The following NREP variants were observed in gnomAD, a reference collection of about 807,000 sequenced individuals.
The protein encoded by NREP is neuronal regeneration related protein, also known as neuronal regeneration-related protein.
In NREP, 5 loss-of-function variants were observed where a neutral mutation model predicts 8.6. The ratio of observed to expected loss-of-function variants is 0.58; its 90% CI spans 0.30 to 1.22. The LOEUF (loss-of-function observed/expected upper bound fraction) is 1.22, where lower values mean the gene tolerates loss of function less well. Ranked by LOEUF, NREP falls within the 50% of genes most tolerant of loss-of-function variation. NREP has a pLI of 0.07. For missense variants in NREP, 86 were observed against 82.5 expected (o/e 1.04, Z -0.17); for synonymous variants, 27 against 28.0 (o/e 0.96, Z 0.11).
intron 2 of NREP, among the ~76,000 whole-genome samples, chr5:111,769,076 T>TC (rs1751155193): frequency 6.6e-6 from 1 of 152,208 alleles, no homozygotes; most frequent in Admixed American, 6.5e-5. Context: ...TGAGATGACA[T>TC]CTCATTGTGG....
intron 2 of NREP, among the ~76,000 whole-genome samples, chr5:111,877,231 G>C (rs1032955590): frequency 4.6e-5 from 7 of 152,108 alleles, no homozygotes; most frequent in African/African-American, 1.7e-4. Flanking sequence ...CTTGGTTGCT[G>C]CTGCTATGGC....
chr5:111,801,589 AAC>A (rs1752009291), intron 2 of NREP, among the ~76,000 whole-genome samples: 1 of 152,174 alleles, frequency 6.6e-6, no homozygotes, highest in Non-Finnish European at 1.5e-5. Flanking sequence ...ATGAAATAAA[AAC>A]AGTTGAGCTA....
intron 2 of NREP, among the ~76,000 whole-genome samples, chr5:111,766,268 GTGAC>G (rs1751081113): frequency 6.6e-6 from 1 of 152,106 alleles, no homozygotes; most frequent in African/African-American, 2.4e-5. Flanking sequence ...ATTTGACTCT[GTGAC>G]TGGGAAAACC....
intron 2 of NREP, among the ~76,000 whole-genome samples, chr5:111,817,175 A>T (rs1167808950): frequency 6.6e-6 from 1 of 152,178 alleles, no homozygotes; most frequent in South Asian, 2.1e-4. Flanking sequence ...GTTTATCTGT[A>T]CATTTTTTAT....
chr5:111,765,382 A>C (rs995932790), intron 2 of NREP, among the ~76,000 whole-genome samples: 1 of 151,920 alleles, frequency 6.6e-6, no homozygotes, highest in Non-Finnish European at 1.5e-5. Flanking sequence ...GGGGTTGGAG[A>C]CTCCAGGTCT....
intron 2 of NREP, among the ~76,000 whole-genome samples, chr5:111,802,223 T>C (rs1472600051): frequency 2.6e-5 from 4 of 152,172 alleles, no homozygotes; most frequent in Non-Finnish European, 5.9e-5. Flanking sequence ...AAATAAGATT[T>C]AGTTGAAAGT....
rs182714281 is a variant in NREP at position 111,880,992 on chromosome 5, C to T, written c.135+94282G>A. ...AGTGGGCACAGGACAGTGGGTGCAG[C>T]GCACCGTGCATGAGCCGAAGCAGGG... is the stretch of plus-strand genomic sequence containing the variant. On this transcript the variant is annotated intron_variant, in intron 2 of 3. Transcript: ENST00000395634. Among the ~76,000 whole-genome samples, 131 of 152,226 alleles carry T rather than the reference C, an allele frequency of 8.6e-4. No homozygotes were observed. The Middle Eastern group carries it at 0.01, about 12-fold the overall frequency.
chr5:111,873,068 T>A (rs2112499461), intron 2 of NREP, among the ~76,000 whole-genome samples: 1 of 152,190 alleles, frequency 6.6e-6, no homozygotes, highest in South Asian at 2.1e-4. Context: ...TGGACAATGG[T>A]AAACTGGGGA....
Position 111,743,504 on chromosome 5 carries a change from GAA to G in NREP, c.4-7999_4-7998del, listed in dbSNP as rs1561640318. On this transcript the variant is annotated intron_variant, in intron 2 of 3. Transcript: ENST00000257435. ...TAAATTGGTTTTAATTTGTAACTAA[GAA>G]ATTAGGAATATGACATCTTGTGATG... Among the ~76,000 whole-genome samples, 3 of 152,068 alleles carry G rather than the reference GAA, an allele frequency of 2.0e-5. No individual in the cohort carries two copies. In the South Asian group the frequency reaches 6.2e-4, roughly 31 times the overall value.
At chr5:111,916,601 A>G (rs1240362687) in intron 2 of NREP, among the ~76,000 whole-genome samples, 1 of 152,104 alleles carries the variant, frequency 6.6e-6, no homozygotes, top group Non-Finnish European at 1.5e-5. Flanking sequence ...CTCTGGGGTG[A>G]GATTCCTTGG....
chr5:111,951,778 C>G (rs1051778115), intron 2 of NREP, among the ~76,000 whole-genome samples: 1 of 152,016 alleles, frequency 6.6e-6, no homozygotes, highest in Non-Finnish European at 1.5e-5. Flanking sequence ...GTTTTAAAAT[C>G]GTGTCCATTT....
intron 2 of NREP, among the ~76,000 whole-genome samples, chr5:111,851,594 G>C (rs964627128): frequency 6.6e-6 from 1 of 152,110 alleles, no homozygotes; most frequent in South Asian, 2.1e-4. Flanking sequence ...TGCAATTAAC[G>C]TGAAAGTGCA....
intron 3 of NREP, chr5:111,734,579 G>A: frequency 2.2e-6 from 1 of 451,908 alleles, no homozygotes; most frequent in Non-Finnish European, 3.9e-6. Flanking sequence ...CTGCCTGCCA[G>A]TATAAGATAG....
At chr5:111,737,078 C>T (rs554571050) in intron 2 of NREP, among the ~76,000 whole-genome samples, 3 of 152,322 alleles carry the variant, frequency 2.0e-5, no homozygotes, top group South Asian at 2.1e-4. Context: ...TTTTCTGAGC[C>T]ATGTGGTTCC....
At chr5:111,883,111 C>A (rs374859933) in intron 2 of NREP, among the ~76,000 whole-genome samples, 1 of 151,952 alleles carries the variant, frequency 6.6e-6, no homozygotes, top group Non-Finnish European at 1.5e-5. Flanking sequence ...ACATAGGCTC[C>A]AAATAAAAGG....
chr5:111,821,530 T>A (rs1450008892), intron 2 of NREP, among the ~76,000 whole-genome samples: 2 of 152,156 alleles, frequency 1.3e-5, no homozygotes, highest in Non-Finnish European at 2.9e-5. Context: ...TAAATCTGAA[T>A]CCAAACACAT....
chr5:111,814,962 G>C (rs1284553568), intron 2 of NREP, among the ~76,000 whole-genome samples: 1 of 122,178 alleles, frequency 8.2e-6, no homozygotes, highest in Non-Finnish European at 1.7e-5. Context: ...GTTACCAAGA[G>C]GAAAAAAAAA....
chr5:111,967,241 T>C (rs936530316), intron 2 of NREP, among the ~76,000 whole-genome samples: 1 of 152,176 alleles, frequency 6.6e-6, no homozygotes, highest in Admixed American at 6.5e-5. Flanking sequence ...CATGCACCAT[T>C]AACATTCACA....
At chr5:111,732,359 A>T (rs1034174968) in intron 3 of NREP, 4 of 151,980 alleles carry the variant, frequency 2.6e-5, no homozygotes, top group Non-Finnish European at 5.9e-5. Flanking sequence ...TCCATATTAA[A>T]CATCTGGTAT....
Sources: gnomAD v4.1 joint callset for allele counts (sites outside exome capture counted in the v4.1 genomes callset) on GRCh38, gnomAD v4.1.1 for gene constraint, MANE v1.5 for transcripts, NCBI Gene and HGNC (gene_info 2026-07-23, HGNC 2026-07-21) for gene names.